NCAM2: variants seen among roughly 807,000 people sequenced by gnomAD.
NCAM2 encodes neural cell adhesion molecule 2.
Under a neutral mutation model 98.1 loss-of-function variants are expected in NCAM2, and 30 were observed. That is an observed-to-expected ratio of 0.31 (90% CI 0.23 to 0.41). The LOEUF (loss-of-function observed/expected upper bound fraction) is 0.41. Among genes scored for constraint, NCAM2 ranks in the 10% least tolerant of loss-of-function variants. The pLI, the probability that NCAM2 is intolerant of heterozygous loss-of-function variation, is 1.00. For synonymous variants in NCAM2, 368 were observed against 342.4 expected, an observed-to-expected ratio of 1.07 and a Z score of -0.83; for missense variants, 867 against 1,005.8, an observed-to-expected ratio of 0.86 and a Z score of 1.87.
chr21:21,369,816 A>C (rs1431492533), intron 8 of NCAM2, among the ~76,000 whole-genome samples: 3 of 151,340 alleles, frequency 2.0e-5, no homozygotes, highest in Non-Finnish European at 3.0e-5. Flanking sequence ...CTCATATTTA[A>C]TTTGATAGTT....
chr21:21,193,015 T>C (rs1314375555), intron 1 of NCAM2, among the ~76,000 whole-genome samples: 4 of 152,066 alleles, frequency 2.6e-5, no homozygotes, highest in Admixed American at 1.3e-4. Context: ...CTATATCCTT[T>C]TCTTCTTCAG....
At chr21:21,043,194 C>A (rs1371828125) in intron 1 of NCAM2, among the ~76,000 whole-genome samples, 3 of 152,036 alleles carry the variant, frequency 2.0e-5, no homozygotes, top group African/African-American at 4.8e-5. Context: ...TGTTAAAGTT[C>A]GTGCCATTAT....
intron 12 of NCAM2, among the ~76,000 whole-genome samples, chr21:21,466,226 AG>A (rs1455431654): frequency 6.6e-6 from 1 of 152,064 alleles, no homozygotes; most frequent in Non-Finnish European, 1.5e-5. Context: ...TAAATACTAT[AG>A]AAATAATCTA....
In NCAM2 at chr21:21,401,674, GT is replaced by G. The variant is rs532248146; in HGVS notation, c.1196-8596del. On this transcript the variant is annotated intron_variant, in intron 9 of 17. Transcript: ENST00000400546. ...TTTTCATTTTGTATATATACTATGT[GT>G]TTTGTATCCATTCATCTACTGATGC... Among the ~76,000 whole-genome samples the G allele has an allele frequency of 5.2e-3, 794 of 152,210 alleles. 8 individuals carry two copies. The highest frequency in any genetic ancestry group is 0.018 in the African/African-American group (762 of 41,544).
rs8134192 is a variant in NCAM2 at position 21,365,910 on chromosome 21, G to C, written c.1045-7953G>C. Among the ~76,000 whole-genome samples the C allele has an allele frequency of 1.2e-3, 187 of 152,138 alleles. 1 individual carries two copies. Among genetic ancestry groups the C allele is most frequent in the African/African-American group, 4.4e-3 (183 of 41,526 alleles). On this transcript the variant is annotated intron_variant, in intron 8 of 17. Coordinates refer to ENST00000400546, the MANE Select transcript of NCAM2 (RefSeq NM_004540.5). ...CTTTTGGGGGAGTAGGTACCCAGTA[G>C]TGGGATTGCTGTCTCGATTGATATA...
intron 15 of NCAM2, among the ~76,000 whole-genome samples, chr21:21,496,794 G>T (rs1987272191): frequency 6.6e-6 from 1 of 152,070 alleles, no homozygotes. Context: ...TTTGTATATG[G>T]TGAAAGGTAG....
At chr21:21,113,567 GA>G (rs1012318082) in intron 1 of NCAM2, among the ~76,000 whole-genome samples, 27 of 146,926 alleles carry the variant, frequency 1.8e-4, no homozygotes, top group South Asian at 1.5e-3. Context: ...GCCTATTACT[GA>G]AAAAAAAAAG....
chr21:21,205,138 A>G (rs1249388899), intron 1 of NCAM2, among the ~76,000 whole-genome samples: 1 of 152,152 alleles, frequency 6.6e-6, no homozygotes, highest in Non-Finnish European at 1.5e-5. Context: ...TGTTCTCCTA[A>G]TCTACCATTA....
intron 1 of NCAM2, among the ~76,000 whole-genome samples, chr21:21,105,944 A>T (rs1235837844): frequency 6.6e-6 from 1 of 152,160 alleles, no homozygotes; most frequent in Non-Finnish European, 1.5e-5. Context: ...TTATGGCATA[A>T]TATATAAAAT....
At position 21,365,238 on chromosome 21, in the gene NCAM2, C is replaced by CGTGTGTGTGTGTGTGTGTGT. The variant is rs66559489; in HGVS notation, c.1045-8610_1045-8591dup. 6.8e-4 allele frequency among the ~76,000 whole-genome samples: 100 copies of CGTGTGTGTGTGTGTGTGTGT among 147,014 alleles called. 1 individual carries two copies. Among genetic ancestry groups the CGTGTGTGTGTGTGTGTGTGT allele is most frequent in the Middle Eastern group, 3.5e-3 (1 of 286 alleles). ...GATTTGAGCTAATTATTGCTTAGTG[C>CGTGTGTGTGTGTGTGTGTGT]GTGTGTGTGTGTGTGTGTGTGTGTG... is the stretch of plus-strand genomic sequence containing the variant. On this transcript the variant is annotated intron_variant, in intron 8 of 17. Coordinates refer to ENST00000400546, the MANE Select transcript of NCAM2 (RefSeq NM_004540.5).
chr21:21,230,227 T>C (rs1315229455), intron 1 of NCAM2, among the ~76,000 whole-genome samples: 5 of 151,272 alleles, frequency 3.3e-5, no homozygotes, highest in Admixed American at 3.3e-4. Flanking sequence ...CTATAATGTA[T>C]TAAAAATGGA....
intron 1 of NCAM2, among the ~76,000 whole-genome samples, chr21:21,256,508 C>T (rs1282027863): frequency 6.6e-6 from 1 of 152,112 alleles, no homozygotes; most frequent in African/African-American, 2.4e-5. Context: ...TTCATATGTT[C>T]TTGCAAATGC....
At chr21:21,092,423 A>G (rs2146452479) in intron 1 of NCAM2, among the ~76,000 whole-genome samples, 1 of 152,080 alleles carries the variant, frequency 6.6e-6, no homozygotes, top group East Asian at 1.9e-4. Context: ...GCTAGTTTAG[A>G]AGAATTTACT....
intron 1 of NCAM2, among the ~76,000 whole-genome samples, chr21:21,120,347 CTT>C (rs1402413194): frequency 2.6e-5 from 4 of 151,290 alleles, no homozygotes; most frequent in Admixed American, 2.6e-4. Context: ...TATATCATGA[CTT>C]AAAAAACAAA....
intron 9 of NCAM2, among the ~76,000 whole-genome samples, chr21:21,390,122 A>G (rs2076350533): frequency 6.6e-6 from 1 of 152,080 alleles, no homozygotes; most frequent in Admixed American, 6.5e-5. Flanking sequence ...TGCTGGGATT[A>G]CAGGTGCGAG....
At chr21:21,457,169 T>C (rs1328694564) in intron 12 of NCAM2, among the ~76,000 whole-genome samples, 1 of 149,500 alleles carries the variant, frequency 6.7e-6, no homozygotes, top group Non-Finnish European at 1.5e-5. Context: ...GGGAAATTCT[T>C]GTGAGGGCCC....
At chr21:21,232,030 AC>A (rs2070647904) in intron 1 of NCAM2, among the ~76,000 whole-genome samples, 1 of 151,226 alleles carries the variant, frequency 6.6e-6, no homozygotes, top group African/African-American at 2.4e-5. Context: ...ACTCAGAACC[AC>A]CCCTTCACAT....
chr21:21,387,223 C>CACACAA (rs1491389988), intron 9 of NCAM2, among the ~76,000 whole-genome samples: 33 of 147,210 alleles, frequency 2.2e-4, no homozygotes, highest in Non-Finnish European at 3.7e-4. Flanking sequence ...CACACACACA[C>CACACAA]AAATCTGGTG....
intron 1 of NCAM2, among the ~76,000 whole-genome samples, chr21:21,003,372 A>G (rs2064054728): frequency 6.6e-6 from 1 of 152,148 alleles, no homozygotes; most frequent in Non-Finnish European, 1.5e-5. Context: ...GATTTATTAC[A>G]ACTCACAGGG....
Sources: gnomAD v4.1 joint callset for allele counts (sites outside exome capture counted in the v4.1 genomes callset) on GRCh38, gnomAD v4.1.1 for gene constraint, MANE v1.5 for transcripts, NCBI Gene and HGNC (gene_info 2026-07-23, HGNC 2026-07-21) for gene names.